The following CSTPP1 variants were observed in gnomAD, a reference collection of about 807,000 sequenced individuals.
CSTPP1 encodes the protein centriolar satellite-associated tubulin polyglutamylase complex regulator 1, also known as UPF0705 protein C11orf49.
the CSTPP1 span, among the ~76,000 whole-genome samples, chr11:47,054,036 A>G: frequency 1.3e-5 from 2 of 151,360 alleles, no homozygotes; most frequent in Non-Finnish European, 2.9e-5. Flanking sequence ...GCAGCCGGGC[A>G]CGGTGACTCA....
the CSTPP1 span, among the ~76,000 whole-genome samples, chr11:47,058,882 A>C: frequency 6.6e-6 from 1 of 152,226 alleles, no homozygotes; most frequent in East Asian, 1.9e-4. Context: ...AGTAAGTGAC[A>C]ATACTTGCCC....
At chr11:46,997,948 G>C in the CSTPP1 span, among the ~76,000 whole-genome samples, 1 of 152,196 alleles carries the variant, frequency 6.6e-6, no homozygotes, top group East Asian at 1.9e-4. Context: ...GCACCCAGCC[G>C]TATGAAGTGT....
chr11:47,158,629 G>A, the CSTPP1 span, among the ~76,000 whole-genome samples: 10 of 152,054 alleles, frequency 6.6e-5, no homozygotes, highest in Middle Eastern at 3.2e-3. Flanking sequence ...TCGACCTCCC[G>A]GGCTCAAGTG....
the CSTPP1 span, among the ~76,000 whole-genome samples, chr11:47,163,218 T>C: frequency 3.3e-5 from 5 of 150,408 alleles, no homozygotes; most frequent in Admixed American, 6.6e-5. Context: ...ATGAGCTCTG[T>C]AGGCCCACAA....
the CSTPP1 span, among the ~76,000 whole-genome samples, chr11:47,104,684 A>G: frequency 6.6e-6 from 1 of 152,202 alleles, no homozygotes; most frequent in African/African-American, 2.4e-5. Context: ...GCTCATCAAT[A>G]TTAATGAAGT....
At chr11:46,998,737 G>GA in the CSTPP1 span, among the ~76,000 whole-genome samples, 1 of 149,776 alleles carries the variant, frequency 6.7e-6, no homozygotes, top group African/African-American at 2.5e-5. Flanking sequence ...TTTTTGTTTT[G>GA]TTTTTTTTTG....
chr11:47,013,027 T>A, the CSTPP1 span, among the ~76,000 whole-genome samples: 2 of 147,214 alleles, frequency 1.4e-5, no homozygotes, highest in South Asian at 2.1e-4. Flanking sequence ...AAATAATAAC[T>A]ATATATAATA....
chr11:47,122,091 A>AAAAAAAAAAATATATAT, the CSTPP1 span, among the ~76,000 whole-genome samples: 2 of 31,842 alleles, frequency 6.3e-5, no homozygotes, highest in African/African-American at 9.7e-5. Context: ...AAAAAAAAAA[A>AAAAAAAAAAATATATAT]ATATATATAT....
the CSTPP1 span, among the ~76,000 whole-genome samples, chr11:46,993,401 T>C: frequency 6.6e-6 from 1 of 152,076 alleles, no homozygotes; most frequent in South Asian, 2.1e-4. Context: ...AGGGTTTTTA[T>C]GGTTTTAGGT....
chr11:47,107,809 G>A, the CSTPP1 span, among the ~76,000 whole-genome samples: 1 of 152,046 alleles, frequency 6.6e-6, no homozygotes, highest in Non-Finnish European at 1.5e-5. Context: ...GATTTATACT[G>A]GACAAGGTGG....
chr11:46,970,028 T>TAG, the CSTPP1 span, among the ~76,000 whole-genome samples: 1 of 152,232 alleles, frequency 6.6e-6, no homozygotes, highest in African/African-American at 2.4e-5. Context: ...AAAGACTGCA[T>TAG]ACTATAATAG....
At chr11:47,053,170 T>G in the CSTPP1 span, among the ~76,000 whole-genome samples, 1 of 152,114 alleles carries the variant, frequency 6.6e-6, no homozygotes, top group African/African-American at 2.4e-5. Context: ...GAGAAGGGCA[T>G]CCTAGGTAGA....
chr11:46,947,508 T>C, the CSTPP1 span, among the ~76,000 whole-genome samples: 1 of 152,254 alleles, frequency 6.6e-6, no homozygotes, highest in African/African-American at 2.4e-5. Flanking sequence ...AAGCAATTAC[T>C]GCTGAAATCA....
At chr11:46,980,606 C>A in the CSTPP1 span, among the ~76,000 whole-genome samples, 1 of 151,550 alleles carries the variant, frequency 6.6e-6, no homozygotes, top group Admixed American at 6.6e-5. Context: ...GAATAGGACA[C>A]AAAGCACACC....
chr11:47,163,998 G>A, the CSTPP1 span: 11 of 1,402,744 alleles, frequency 7.8e-6, no homozygotes, highest in East Asian at 9.6e-5. Flanking sequence ...GCCTACTGCC[G>A]TGACAAGGGG....
At chr11:47,161,907 G>A in the CSTPP1 span, 19 of 1,237,348 alleles carry the variant, frequency 1.5e-5, 1 homozygote, top group South Asian at 6.5e-5. Context: ...ACCTTGTCAC[G>A]CCGTAGCCTG....
the CSTPP1 span, among the ~76,000 whole-genome samples, chr11:46,938,259 A>G: frequency 5.3e-4 from 80 of 151,632 alleles, no homozygotes; most frequent in African/African-American, 1.7e-3. Flanking sequence ...AGTTTCCGCT[A>G]TTATTTACAT....
At chr11:47,049,622 C>T in the CSTPP1 span, among the ~76,000 whole-genome samples, 1 of 151,866 alleles carries the variant, frequency 6.6e-6, no homozygotes, top group Non-Finnish European at 1.5e-5. Context: ...GACTGGGTGA[C>T]AGTGGGAGAC....
the CSTPP1 span, among the ~76,000 whole-genome samples, chr11:47,125,503 GA>G: frequency 6.6e-6 from 1 of 152,132 alleles, no homozygotes; most frequent in Non-Finnish European, 1.5e-5. Flanking sequence ...TATTTATTTA[GA>G]AAAGAAGGAA....
Sources: gnomAD v4.1 joint callset for allele counts (sites outside exome capture counted in the v4.1 genomes callset) on GRCh38, gnomAD v4.1.1 for gene constraint, MANE v1.5 for transcripts, NCBI Gene and HGNC (gene_info 2026-07-23, HGNC 2026-07-21) for gene names.